Variants in LRRC4C observed in about 807,000 individuals in gnomAD.
LRRC4C encodes leucine rich repeat containing 4C, also known as leucine-rich repeat-containing protein 4C.
In LRRC4C, 5 loss-of-function variants were observed where a neutral mutation model predicts 33.6. The observed-to-expected ratio is 0.15, with a 90% confidence interval of 0.08 to 0.31. The LOEUF is 0.31. Ranked by LOEUF, LRRC4C falls within the 10% of genes least tolerant of loss-of-function variation. The pLI is 1.00. For synonymous variants in LRRC4C, 329 were observed against 302.0 expected, an observed-to-expected ratio of 1.09 and a Z score of -0.93; for missense variants, 560 against 796.7, an observed-to-expected ratio of 0.70 and a Z score of 3.58.
At chr11:41,146,922 G>A (rs1170699393) in intron 1 of LRRC4C, among the ~76,000 whole-genome samples, 1 of 152,156 alleles carries the variant, frequency 6.6e-6, no homozygotes, top group Non-Finnish European at 1.5e-5. Context: ...GAAAAATTCT[G>A]GGTTCAGGGT....
intron 1 of LRRC4C, among the ~76,000 whole-genome samples, chr11:41,034,976 GTTATT>G (rs964825857): frequency 6.7e-6 from 1 of 149,626 alleles, no homozygotes; most frequent in Non-Finnish European, 1.5e-5. Context: ...TTGTTGTTAT[GTTATT>G]TTGTTTTTAT....
chr11:40,888,269 A>T (rs1955552210), intron 2 of LRRC4C, among the ~76,000 whole-genome samples: 1 of 151,866 alleles, frequency 6.6e-6, no homozygotes, highest in South Asian at 2.1e-4. Flanking sequence ...GTCAATGATA[A>T]TTTATAATAA....
Position 41,318,802 on chromosome 11 carries a change from G to GA in LRRC4C, c.-496+140628dup, listed in dbSNP as rs200677718. On this transcript the variant is annotated intron_variant, in intron 1 of 6. Coordinates refer to ENST00000528697, the MANE Select transcript of LRRC4C (RefSeq NM_001258419.2). ...TCCTTTTCATAGAATAGAAATTCCAGAAAAAAAAAACCTGGTGAGATTGCA... is the reference window on the plus strand; with the variant it reads ...TCCTTTTCATAGAATAGAAATTCCAGAAAAAAAAAAACCTGGTGAGATTGCA... Among the ~76,000 whole-genome samples, 277 of 147,954 alleles carry GA rather than the reference G, an allele frequency of 1.9e-3. 1 individual carries two copies. Among genetic ancestry groups the GA allele is most frequent in the African/African-American group, 4.5e-3 (183 of 40,602 alleles).
chr11:40,910,276 T>C (rs1956609996), intron 2 of LRRC4C, among the ~76,000 whole-genome samples: 1 of 152,156 alleles, frequency 6.6e-6, no homozygotes, highest in Admixed American at 6.5e-5. Context: ...GCAGTATATA[T>C]TGAGCATCTA....
intron 1 of LRRC4C, among the ~76,000 whole-genome samples, chr11:41,251,007 A>G (rs910097488): frequency 6.6e-6 from 1 of 152,228 alleles, no homozygotes; most frequent in African/African-American, 2.4e-5. Context: ...ATATAGCTGA[A>G]AAAATTGTTA....
At chr11:40,540,131 C>A (rs1321816648) in intron 3 of LRRC4C, among the ~76,000 whole-genome samples, 1 of 152,150 alleles carries the variant, frequency 6.6e-6, no homozygotes, top group East Asian at 1.9e-4. Context: ...ATGGAAAATG[C>A]TTTTCAGCAC....
At chr11:41,344,900 A>G (rs1436743250) in intron 1 of LRRC4C, among the ~76,000 whole-genome samples, 4 of 152,192 alleles carry the variant, frequency 2.6e-5, no homozygotes. Context: ...TATTTTAGAC[A>G]CAATTAACTG....
At chr11:41,159,943 T>C (rs1944394032) in intron 1 of LRRC4C, among the ~76,000 whole-genome samples, 1 of 152,042 alleles carries the variant, frequency 6.6e-6, no homozygotes, top group Non-Finnish European at 1.5e-5. Flanking sequence ...TGATGGGGGA[T>C]AAATTCTAGT....
At chr11:40,816,670 A>T (rs530643513) in intron 2 of LRRC4C, among the ~76,000 whole-genome samples, 12 of 152,260 alleles carry the variant, frequency 7.9e-5, no homozygotes, top group Non-Finnish European at 1.6e-4. Flanking sequence ...TATGGATGAT[A>T]TCTACTGGCG....
rs1156767689 is a variant in LRRC4C, at chr11:40,952,896, A to ACACACT, written c.-495-19174_-495-19173insAGTGTG. Among the ~76,000 whole-genome samples the ACACACT allele has an allele frequency of 9.7e-4, 68 of 70,224 alleles. 1 individual carries two copies. Among genetic ancestry groups the ACACACT allele is most frequent in the Middle Eastern group, 7.4e-3 (1 of 136 alleles). The allele number at this position is 70,224 out of a possible 152,430, so 46.1% of individuals were successfully genotyped here. Reference sequence around the variant, plus strand: ...CACACACACACACACACACACACACACTCTCTCTCTCTCTCTCTCTCTCTC... The same window carrying ACACACT: ...CACACACACACACACACACACACACACACACTCTCTCTCTCTCTCTCTCTCTCTCTC... On this transcript the variant is annotated intron_variant, in intron 1 of 6. Coordinates refer to ENST00000528697, the MANE Select transcript of LRRC4C (RefSeq NM_001258419.2).
intron 2 of LRRC4C, among the ~76,000 whole-genome samples, chr11:40,738,359 A>C (rs1947990137): frequency 6.6e-6 from 1 of 152,054 alleles, no homozygotes; most frequent in African/African-American, 2.4e-5. Flanking sequence ...AGCCTCCATA[A>C]TCACATGAGC....
At chr11:41,271,338 TAG>T (rs1243892109) in intron 1 of LRRC4C, among the ~76,000 whole-genome samples, 1 of 152,112 alleles carries the variant, frequency 6.6e-6, no homozygotes, top group Non-Finnish European at 1.5e-5. Flanking sequence ...TCCTGTGGGT[TAG>T]AGTCTATGGA....
chr11:41,281,104 T>TCACACACACACA, intron 1 of LRRC4C, among the ~76,000 whole-genome samples: 1 of 102,592 alleles, frequency 9.7e-6, no homozygotes, highest in East Asian at 3.0e-4. Flanking sequence ...TCTCTCTCTC[T>TCACACACACACA]CACACACACA....
chr11:40,200,212 A>T (rs918503704), intron 5 of LRRC4C, among the ~76,000 whole-genome samples: 1 of 131,834 alleles, frequency 7.6e-6, no homozygotes, highest in Non-Finnish European at 1.7e-5. Context: ...AAAAAAAAAA[A>T]AAATAGCCAT....
chr11:41,096,843 A>T, intron 1 of LRRC4C, among the ~76,000 whole-genome samples: 1 of 152,142 alleles, frequency 6.6e-6, no homozygotes, highest in East Asian at 1.9e-4. Flanking sequence ...CCACTGAAAG[A>T]TTTTATCTAC....
chr11:40,701,065 TG>T (rs1945842000), intron 2 of LRRC4C, among the ~76,000 whole-genome samples: 1 of 152,168 alleles, frequency 6.6e-6, no homozygotes, highest in Non-Finnish European at 1.5e-5. Flanking sequence ...ATACATCATA[TG>T]GCTTCACCTC....
chr11:40,485,178 A>G (rs949631918), intron 3 of LRRC4C, among the ~76,000 whole-genome samples: 1 of 152,048 alleles, frequency 6.6e-6, no homozygotes. Context: ...CAAATTTGAT[A>G]TAATTTGAAC....
intron 3 of LRRC4C, among the ~76,000 whole-genome samples, chr11:40,548,682 A>T (rs1035006762): frequency 1.3e-5 from 2 of 152,136 alleles, no homozygotes; most frequent in African/African-American, 4.8e-5. Context: ...AGGAAGAACG[A>T]GGGGGCCATG....
At chr11:41,424,022 C>G (rs895921490) in intron 1 of LRRC4C, 1 of 152,142 alleles carries the variant, frequency 6.6e-6, no homozygotes, top group Non-Finnish European at 1.5e-5. Context: ...TTCCCAGTCT[C>G]TGGTATATCT....
Sources: gnomAD v4.1 joint callset for allele counts (sites outside exome capture counted in the v4.1 genomes callset) on GRCh38, gnomAD v4.1.1 for gene constraint, MANE v1.5 for transcripts, NCBI Gene and HGNC (gene_info 2026-07-23, HGNC 2026-07-21) for gene names.